TFEC: variants seen among roughly 807,000 people sequenced by gnomAD.
TFEC encodes the protein class E basic helix-loop-helix protein 34.
A neutral mutation model predicts 41.6 loss-of-function variants in TFEC; 31 were observed. The ratio of observed to expected loss-of-function variants is 0.74; its 90% CI spans 0.56 to 1.01. The LOEUF is 1.01. Ranked by LOEUF, TFEC falls within the 50% of genes least tolerant of loss-of-function variation. The probability of loss-of-function intolerance (pLI) is 0.00; values close to 1 mark genes in which losing one functional copy is unlikely to be tolerated. For missense variants in TFEC, 402 were observed against 404.1 expected (o/e 0.99, Z 0.04); for synonymous variants, 143 against 140.6 (o/e 1.02, Z -0.12).
chr7:116,071,041 A>G (rs1043975026), intron 3 of TFEC, among the ~76,000 whole-genome samples: 4 of 151,438 alleles, frequency 2.6e-5, no homozygotes, highest in African/African-American at 9.7e-5. Flanking sequence ...AAAGAAAGAC[A>G]AAGATTCAAA....
At chr7:116,121,194 C>T (rs1798100954) in intron 1 of TFEC, among the ~76,000 whole-genome samples, 1 of 151,822 alleles carries the variant, frequency 6.6e-6, no homozygotes, top group African/African-American at 2.4e-5. Flanking sequence ...GGTATATACC[C>T]TCAATGGAAT....
intron 2 of TFEC, among the ~76,000 whole-genome samples, chr7:115,974,636 G>T (rs1204307092): frequency 1.3e-5 from 2 of 149,998 alleles, no homozygotes; most frequent in African/African-American, 2.4e-5. Flanking sequence ...AGGCAGATAG[G>T]GTCCCTATAG....
intron 1 of TFEC, among the ~76,000 whole-genome samples, chr7:115,998,155 T>C (rs1006783304): frequency 6.6e-6 from 1 of 151,938 alleles, no homozygotes; most frequent in African/African-American, 2.4e-5. Flanking sequence ...CCTTAAGACA[T>C]TTAATAATCA....
chr7:116,078,845 C>G (rs1464117145), intron 3 of TFEC, among the ~76,000 whole-genome samples: 1 of 151,942 alleles, frequency 6.6e-6, no homozygotes, highest in Non-Finnish European at 1.5e-5. Context: ...TCAATATCAC[C>G]CTAATACCAA....
Position 115,935,772 on chromosome 7 carries a change from A to T in TFEC, c.*4779T>A, listed in dbSNP as rs1393188887. 1 of 151,572 alleles carries T rather than the reference A, an allele frequency of 6.6e-6. No homozygotes were observed. 9.4% of individuals were successfully genotyped at this position (151,572 alleles called of 1,614,324 possible). ...AAAGAGGTAGTATTACAAACACAAA[A>T]GTCTTTACTGTTATTCTTTATGCCT... On this transcript the variant is annotated 3_prime_UTR_variant, in exon 8 of 8. Transcript: ENST00000265440.
rs148177751 is a variant in TFEC at position 116,122,967 on chromosome 7, G to A, written c.-68-10929C>T. On this transcript the variant is annotated intron_variant, in intron 1 of 8. Coordinates refer to the TFEC transcript ENST00000484212. ...GGAAATGCCAAGTAGCCAAACAAGC[G>A]TGAGAACTGAGATCTACATTTTTTT... 7.2e-4 allele frequency among the ~76,000 whole-genome samples: 110 copies of A among 152,016 alleles called. 1 individual carries two copies. The Middle Eastern group carries it at 0.014, about 19-fold the overall frequency.
At chr7:116,133,123 G>C (rs1398261459) in intron 1 of TFEC, among the ~76,000 whole-genome samples, 1 of 152,104 alleles carries the variant, frequency 6.6e-6, no homozygotes, top group Non-Finnish European at 1.5e-5. Flanking sequence ...TTCAGTTTTT[G>C]TCAATTTTCA....
chr7:116,110,793 A>G, exon 3 of TFEC: 2 of 1,548,296 alleles, frequency 1.3e-6, no homozygotes. Flanking sequence ...TGAAAACTGC[A>G]TGTGGAACTC....
intron 1 of TFEC, among the ~76,000 whole-genome samples, chr7:116,134,271 T>C (rs1219250789): frequency 6.6e-6 from 1 of 152,186 alleles, no homozygotes; most frequent in East Asian, 1.9e-4. Flanking sequence ...ATGACAGCTT[T>C]TATCCTTTAT....
At chr7:115,980,101 G>A (rs1793560379) in intron 2 of TFEC, among the ~76,000 whole-genome samples, 1 of 152,164 alleles carries the variant, frequency 6.6e-6, no homozygotes, top group African/African-American at 2.4e-5. Context: ...TGTTTTTGAT[G>A]AAACAATATG....
chr7:116,013,371 G>A (rs1253995652), intron 1 of TFEC, among the ~76,000 whole-genome samples: 1 of 151,904 alleles, frequency 6.6e-6, no homozygotes, highest in Non-Finnish European at 1.5e-5. Flanking sequence ...AATGTTCTTT[G>A]GAATTAAAGA....
chr7:116,091,628 T>C (rs1022032097), intron 3 of TFEC, among the ~76,000 whole-genome samples: 1 of 152,146 alleles, frequency 6.6e-6, no homozygotes, highest in Non-Finnish European at 1.5e-5. Flanking sequence ...GGCTTCCAAA[T>C]AGATGTCAAA....
intron 6 of TFEC, 130 bp downstream of exon 6, chr7:115,950,744 G>T: frequency 1.7e-6 from 1 of 598,600 alleles, no homozygotes; most frequent in Non-Finnish European, 2.9e-6. Flanking sequence ...AATGAGCCCA[G>T]CAATAGCCTT....
chr7:116,047,858 T>C (rs528104657), intron 3 of TFEC, among the ~76,000 whole-genome samples: 6 of 152,172 alleles, frequency 3.9e-5, no homozygotes, highest in Admixed American at 2.0e-4. Flanking sequence ...CCACTGGTGA[T>C]ACCAGGCAAA....
intron 1 of TFEC, among the ~76,000 whole-genome samples, chr7:116,142,704 A>G (rs1171191775): frequency 6.6e-6 from 1 of 152,182 alleles, no homozygotes; most frequent in Non-Finnish European, 1.5e-5. Flanking sequence ...AGAAATACAG[A>G]GAGAAGCAGA....
chr7:116,110,267 C>T (rs1209195280), intron 3 of TFEC, among the ~76,000 whole-genome samples: 2 of 152,096 alleles, frequency 1.3e-5, no homozygotes, highest in Non-Finnish European at 2.9e-5. Flanking sequence ...CACCACTTCT[C>T]TGTGCTTTAA....
chr7:116,025,444 T>C (rs1302215588), intron 1 of TFEC, among the ~76,000 whole-genome samples: 1 of 152,130 alleles, frequency 6.6e-6, no homozygotes, highest in Non-Finnish European at 1.5e-5. Flanking sequence ...AAGTTTGATT[T>C]CTCAGGAGCA....
At chr7:116,070,416 T>C (rs1418118545) in intron 3 of TFEC, among the ~76,000 whole-genome samples, 1 of 151,384 alleles carries the variant, frequency 6.6e-6, no homozygotes, top group Non-Finnish European at 1.5e-5. Flanking sequence ...AAATCTAATA[T>C]TTATAAGCAA....
intron 1 of TFEC, among the ~76,000 whole-genome samples, chr7:116,149,488 A>C (rs1269299894): frequency 6.6e-6 from 1 of 152,190 alleles, no homozygotes; most frequent in Non-Finnish European, 1.5e-5. Context: ...GGATAACCCA[A>C]GGCTTCTATA....
Sources: allele counts gnomAD v4.1 joint callset (sites outside exome capture counted in the v4.1 genomes callset), GRCh38; gene constraint gnomAD v4.1.1; transcripts MANE v1.5; gene names NCBI Gene and HGNC (gene_info 2026-07-23, HGNC 2026-07-21).